Variants in TMEM132D observed in about 807,000 individuals in gnomAD.
TMEM132D encodes mature OL transmembrane protein.
A neutral mutation model predicts 62.3 loss-of-function variants in TMEM132D; 21 were observed. The observed-to-expected ratio is 0.34, with a 90% CI of 0.24 to 0.49. The LOEUF (loss-of-function observed/expected upper bound fraction) is 0.49. Ranked by LOEUF, TMEM132D falls within the 20% of genes least tolerant of loss-of-function variation. The pLI is 0.99. For missense variants in TMEM132D, 1,346 were observed against 1,402.8 expected (o/e 0.96, Z 0.65); for synonymous variants, 621 against 575.6 (o/e 1.08, Z -1.13).
intron 2 of TMEM132D, among the ~76,000 whole-genome samples, chr12:129,535,357 C>G (rs190409954): frequency 6.6e-6 from 1 of 152,164 alleles, no homozygotes; most frequent in Non-Finnish European, 1.5e-5. Flanking sequence ...CCTGGACAGC[C>G]GTATCCCCAC....
At chr12:129,603,347 T>C (rs1878532251) in intron 2 of TMEM132D, among the ~76,000 whole-genome samples, 1 of 152,188 alleles carries the variant, frequency 6.6e-6, no homozygotes, top group South Asian at 2.1e-4. Flanking sequence ...ATTTCTACTG[T>C]CTCCGAGGTT....
chr12:129,872,380 C>A (rs1874276949), intron 1 of TMEM132D, among the ~76,000 whole-genome samples: 2 of 152,170 alleles, frequency 1.3e-5, no homozygotes, highest in South Asian at 4.1e-4. Flanking sequence ...AATGGAACAA[C>A]TCTCCTGCTC....
intron 2 of TMEM132D, among the ~76,000 whole-genome samples, chr12:129,676,190 A>C (rs1479242607): frequency 6.6e-6 from 1 of 152,134 alleles, no homozygotes; most frequent in Non-Finnish European, 1.5e-5. Context: ...TCTAGCAAAA[A>C]ATAAACCACA....
At chr12:129,476,545 A>G (rs1874261745) in intron 3 of TMEM132D, among the ~76,000 whole-genome samples, 2 of 152,160 alleles carry the variant, frequency 1.3e-5, no homozygotes, top group African/African-American at 4.8e-5. Flanking sequence ...TGATCTTCCC[A>G]ACACTCCTTG....
intron 3 of TMEM132D, among the ~76,000 whole-genome samples, chr12:129,361,126 T>A (rs914096032): frequency 6.6e-6 from 1 of 152,058 alleles, no homozygotes; most frequent in Non-Finnish European, 1.5e-5. Flanking sequence ...GTTTGGAGTG[T>A]TGGGAATGTA....
At chr12:129,745,100 T>C (rs1254517049) in intron 1 of TMEM132D, among the ~76,000 whole-genome samples, 1 of 152,194 alleles carries the variant, frequency 6.6e-6, no homozygotes, top group African/African-American at 2.4e-5. Context: ...TCTGCCATGA[T>C]GGTAAGTTTC....
At chr12:129,138,999 C>T (rs767662261) in intron 5 of TMEM132D, among the ~76,000 whole-genome samples, 55 of 152,264 alleles carry the variant, frequency 3.6e-4, no homozygotes, top group Non-Finnish European at 6.8e-4. Context: ...GCAGCAGCCT[C>T]GTCAAACTAT....
At chr12:129,851,130 A>G (rs1873526924) in intron 1 of TMEM132D, among the ~76,000 whole-genome samples, 1 of 152,230 alleles carries the variant, frequency 6.6e-6, no homozygotes, top group East Asian at 1.9e-4. Context: ...CCAAATATCT[A>G]GCACAGATGT....
chr12:129,825,927 G>C (rs139565555), intron 1 of TMEM132D, among the ~76,000 whole-genome samples: 4 of 152,240 alleles, frequency 2.6e-5, no homozygotes, highest in South Asian at 2.1e-4. Context: ...TAGCTGGCAT[G>C]GTGGCGCATG....
chr12:129,230,510 C>A (rs1387459655), intron 4 of TMEM132D, among the ~76,000 whole-genome samples: 2 of 152,238 alleles, frequency 1.3e-5, no homozygotes, highest in Non-Finnish European at 2.9e-5. Flanking sequence ...TGGTCTCATT[C>A]TCAACTGTCT....
chr12:129,204,277 TAAG>T (rs1173896189), intron 5 of TMEM132D, among the ~76,000 whole-genome samples: 1 of 151,970 alleles, frequency 6.6e-6, no homozygotes, highest in Non-Finnish European at 1.5e-5. Context: ...CTAAGGAAAT[TAAG>T]AATCACAATA....
intron 2 of TMEM132D, among the ~76,000 whole-genome samples, chr12:129,667,301 A>T (rs1387373930): frequency 6.6e-6 from 1 of 152,206 alleles, no homozygotes; most frequent in Non-Finnish European, 1.5e-5. Context: ...GAAAACATGA[A>T]ATTTGGTTTT....
chr12:129,117,060 G>A (rs989229700), intron 5 of TMEM132D, among the ~76,000 whole-genome samples: 5 of 151,654 alleles, frequency 3.3e-5, no homozygotes, highest in Admixed American at 6.6e-5. Context: ...CTATATAATG[G>A]AACATTATTA....
At chr12:129,817,807 G>T in intron 1 of TMEM132D, among the ~76,000 whole-genome samples, 4 of 136,766 alleles carry the variant, frequency 2.9e-5, no homozygotes, top group Admixed American at 1.5e-4. Flanking sequence ...TGTGTGGGGG[G>T]GTCTGTGTGT....
intron 5 of TMEM132D, among the ~76,000 whole-genome samples, chr12:129,197,809 T>G (rs1008588091): frequency 1.3e-5 from 2 of 152,140 alleles, no homozygotes; most frequent in African/African-American, 2.4e-5. Flanking sequence ...AACATAAACA[T>G]TTCTACACAG....
intron 4 of TMEM132D, among the ~76,000 whole-genome samples, chr12:129,313,007 T>A (rs953992824): frequency 6.6e-6 from 1 of 151,928 alleles, no homozygotes; most frequent in South Asian, 2.1e-4. Flanking sequence ...CAGAGAGATA[T>A]CATTGACTGA....
At chr12:129,748,597 A>G (rs1329507112) in intron 1 of TMEM132D, among the ~76,000 whole-genome samples, 4 of 152,224 alleles carry the variant, frequency 2.6e-5, no homozygotes, top group Non-Finnish European at 4.4e-5. Flanking sequence ...GAGGTTCAAT[A>G]TATAGCTGGA....
chr12:129,826,259 AAG>A (rs1248508822), intron 1 of TMEM132D, among the ~76,000 whole-genome samples: 1 of 152,140 alleles, frequency 6.6e-6, no homozygotes, highest in African/African-American at 2.4e-5. Flanking sequence ...TGACCCTCCT[AAG>A]AGGGGCCCAT....
chr12:129,474,662 GATGCTGTCATCATTAACTT>G (rs1175121042), intron 3 of TMEM132D, among the ~76,000 whole-genome samples: 3 of 152,178 alleles, frequency 2.0e-5, no homozygotes, highest in Non-Finnish European at 4.4e-5. Flanking sequence ...CATTGACGTG[GATGCTGTCATCATTAACTT>G]ATAGGCTACA....
Sources: allele counts gnomAD v4.1 joint callset (sites outside exome capture counted in the v4.1 genomes callset), GRCh38; gene constraint gnomAD v4.1.1; transcripts MANE v1.5; gene names NCBI Gene and HGNC (gene_info 2026-07-23, HGNC 2026-07-21).